Variants in STAG1 observed in about 807,000 individuals in gnomAD.
STAG1 encodes cohesin subunit SA-1.
STAG1 carries 26 observed loss-of-function variants against 170.9 expected under a neutral mutation model. The ratio of observed to expected loss-of-function variants is 0.15; its 90% confidence interval spans 0.11 to 0.21. The LOEUF is 0.21. STAG1 is among the 10% of genes least tolerant of loss of function. The pLI is 1.00. For missense variants in STAG1, 964 were observed against 1,509.5 expected (o/e 0.64, Z 5.99); for synonymous variants, 514 against 497.7 (o/e 1.03, Z -0.44).
intron 6 of STAG1, among the ~76,000 whole-genome samples, chr3:136,525,294 G>A (rs914054159): frequency 6.6e-6 from 1 of 152,032 alleles, no homozygotes; most frequent in Non-Finnish European, 1.5e-5. Context: ...GTCTATTCAG[G>A]GATTCAACTT....
intron 22 of STAG1, among the ~76,000 whole-genome samples, chr3:136,382,868 C>T (rs144742916): frequency 6.9e-4 from 105 of 152,266 alleles, no homozygotes; most frequent in African/African-American, 2.3e-3. Flanking sequence ...GAGAATTATA[C>T]ATACTGACAG....
intron 25 of STAG1, among the ~76,000 whole-genome samples, chr3:136,364,705 T>C (rs1434453685): frequency 6.6e-6 from 1 of 152,236 alleles, no homozygotes; most frequent in Non-Finnish European, 1.5e-5. Flanking sequence ...AAGATTTAAA[T>C]AATTTTTTCT....
At chr3:136,691,636 T>C (rs942793546) in intron 1 of STAG1, among the ~76,000 whole-genome samples, 14 of 152,322 alleles carry the variant, frequency 9.2e-5, no homozygotes, top group African/African-American at 3.1e-4. Context: ...AAGTGCAGGA[T>C]GTCCTGAATC....
chr3:136,638,213 A>C (rs1940653781), intron 1 of STAG1, among the ~76,000 whole-genome samples: 1 of 151,360 alleles, frequency 6.6e-6, no homozygotes. Context: ...AGCTCACTGC[A>C]ATCTCCGCCT....
At chr3:136,432,587 A>T (rs1456652833) in intron 16 of STAG1, among the ~76,000 whole-genome samples, 1 of 151,706 alleles carries the variant, frequency 6.6e-6, no homozygotes, top group African/African-American at 2.4e-5. Context: ...GGCTCCCTGC[A>T]ACCTCTGCCT....
intron 12 of STAG1, among the ~76,000 whole-genome samples, chr3:136,465,616 T>C (rs1267260807): frequency 2.0e-5 from 3 of 146,460 alleles, no homozygotes; most frequent in Non-Finnish European, 4.5e-5. Context: ...ACTGAAATTG[T>C]TTGCAGGTTA....
intron 3 of STAG1, among the ~76,000 whole-genome samples, chr3:136,612,408 C>T (rs1939343546): frequency 6.6e-6 from 1 of 151,492 alleles, no homozygotes; most frequent in African/African-American, 2.4e-5. Context: ...GAGTTCAAGA[C>T]CAGCCTGGGA....
At chr3:136,517,990 G>GA (rs1934470627) in intron 7 of STAG1, 1 of 159,688 alleles carries the variant, frequency 6.3e-6, no homozygotes, top group Admixed American at 6.5e-5. Context: ...ACCTCCAATG[G>GA]AAAAATAAGA....
chr3:136,591,713 C>T (rs185991625), intron 4 of STAG1, among the ~76,000 whole-genome samples: 5 of 152,180 alleles, frequency 3.3e-5, no homozygotes, highest in African/African-American at 9.6e-5. Flanking sequence ...ATGAAGATGC[C>T]AAATCTTTCC....
chr3:136,578,774 G>A (rs999041358), intron 4 of STAG1, among the ~76,000 whole-genome samples: 2 of 152,184 alleles, frequency 1.3e-5, no homozygotes, highest in African/African-American at 4.8e-5. Context: ...TGTAACTCAT[G>A]TCTGTCTAAG....
chr3:136,706,758 T>C (rs13072691), intron 1 of STAG1, among the ~76,000 whole-genome samples: 12,404 of 152,168 alleles, frequency 0.082, 665 homozygotes, highest in Middle Eastern at 0.12. Flanking sequence ...ACAGTCAAAA[T>C]AATATTGAAA....
In STAG1 at chr3:136,337,790, T is replaced by C. The variant is rs974295521; in HGVS notation, c.*464A>G. On this transcript the variant is annotated 3_prime_UTR_variant, in exon 34 of 34. Transcript: ENST00000383202. Reference sequence around the variant, plus strand: ...GCAATTAGGATGAGCTGCTTACTCATAGGTTTAATAAAAATGGTTAGCTTT... The same window carrying C: ...GCAATTAGGATGAGCTGCTTACTCACAGGTTTAATAAAAATGGTTAGCTTT... The C allele has an allele frequency of 4.6e-5, 7 of 153,384 alleles. No individual in the cohort carries two copies. The highest frequency in any genetic ancestry group is 1.2e-4 in the African/African-American group (5 of 41,472). 9.5% of individuals were successfully genotyped at this position (153,384 alleles called of 1,614,324 possible). A position where few individuals can be genotyped will look rare whatever the true frequency, so the allele number is the denominator to read the frequency against.
intron 22 of STAG1, among the ~76,000 whole-genome samples, chr3:136,388,667 G>A (rs2086929631): frequency 6.6e-6 from 1 of 151,936 alleles, no homozygotes; most frequent in African/African-American, 2.4e-5. Flanking sequence ...GCACCTGGCA[G>A]GGAGCTACTT....
rs552182767 is a variant in STAG1, at chr3:136,666,020, C to T, written c.-83-35039G>A. Among the ~76,000 whole-genome samples, 14 of 125,246 alleles carry T rather than the reference C, an allele frequency of 1.1e-4. No individual in the cohort carries two copies. The East Asian group carries it at 1.8e-3, about 16-fold the overall frequency. The allele number at this position is 125,246 out of a possible 152,430, so 82.2% of individuals were successfully genotyped here. A position where few individuals can be genotyped will look rare whatever the true frequency, so the allele number is the denominator to read the frequency against. On this transcript the variant is annotated intron_variant, in intron 1 of 33. Coordinates refer to ENST00000383202, the MANE Select transcript of STAG1 (RefSeq NM_005862.3). ...AATCTGGAAGGCAGAGCTTGCAGTG[C>T]GCCGAGATTGCGCCACTGCACTCCA...
intron 28 of STAG1, among the ~76,000 whole-genome samples, chr3:136,354,245 A>G (rs141999546): frequency 2.6e-5 from 4 of 152,228 alleles, no homozygotes; most frequent in Non-Finnish European, 5.9e-5. Context: ...GGATTTATAT[A>G]GAATTAAAGT....
intron 4 of STAG1, among the ~76,000 whole-genome samples, chr3:136,583,306 G>C (rs189831541): frequency 3.1e-4 from 47 of 152,116 alleles, no homozygotes; most frequent in Admixed American, 2.9e-3. Flanking sequence ...TTAACATGAT[G>C]TATTCTAGAA....
At chr3:136,420,842 T>G (rs539075257) in intron 20 of STAG1, among the ~76,000 whole-genome samples, 16 of 152,344 alleles carry the variant, frequency 1.1e-4, no homozygotes, top group African/African-American at 3.8e-4. Context: ...AGGCACGATC[T>G]CGGCTCACGA....
chr3:136,542,839 T>C (rs916643386), intron 5 of STAG1, among the ~76,000 whole-genome samples: 23 of 152,132 alleles, frequency 1.5e-4, no homozygotes, highest in African/African-American at 5.1e-4. Flanking sequence ...TTATGAAGAA[T>C]GTACTATTAT....
chr3:136,348,970 T>C (rs1936337667), intron 29 of STAG1, 188 bp downstream of exon 29: 2 of 597,954 alleles, frequency 3.3e-6, no homozygotes, highest in Admixed American at 6.0e-5. Context: ...TTCCTCAACT[T>C]CTTTTTCCTT....
Sources: gnomAD v4.1 joint callset for allele counts (sites outside exome capture counted in the v4.1 genomes callset) on GRCh38, gnomAD v4.1.1 for gene constraint, MANE v1.5 for transcripts, NCBI Gene and HGNC (gene_info 2026-07-23, HGNC 2026-07-21) for gene names.